IRAK2: variants seen among roughly 807,000 people sequenced by gnomAD.
IRAK2 encodes the protein interleukin-1 receptor-associated kinase-like 2.
Under a neutral mutation model 72.0 loss-of-function variants are expected in IRAK2, and 57 were observed. The observed-to-expected ratio is 0.79, with a 90% CI of 0.64 to 0.99. The LOEUF (loss-of-function observed/expected upper bound fraction) is 0.99. IRAK2 is among the 50% of genes least tolerant of loss of function. IRAK2 has a pLI of 0.00. For missense variants in IRAK2, 790 were observed against 794.4 expected, an observed-to-expected ratio of 0.99 and a Z score of 0.07; for synonymous variants, 293 against 312.7, an observed-to-expected ratio of 0.94 and a Z score of 0.67.
At chr3:10,173,291 C>T (rs1453679211) in intron 1 of IRAK2, among the ~76,000 whole-genome samples, 2 of 150,902 alleles carry the variant, frequency 1.3e-5, no homozygotes, top group Admixed American at 6.6e-5. Context: ...TGCTGACTTT[C>T]GCACATGTTT....
At chr3:10,227,047 C>A (rs908732621) in intron 10 of IRAK2, among the ~76,000 whole-genome samples, 2 of 151,820 alleles carry the variant, frequency 1.3e-5, no homozygotes, top group Non-Finnish European at 2.9e-5. Flanking sequence ...AGGGATTTTC[C>A]TCAAATTGAT....
At chr3:10,166,224 T>C (rs940770858) in intron 1 of IRAK2, among the ~76,000 whole-genome samples, 12 of 152,254 alleles carry the variant, frequency 7.9e-5, no homozygotes, top group Non-Finnish European at 1.5e-4. Flanking sequence ...CAACCTGTTT[T>C]GAGATCAGAT....
intron 3 of IRAK2, among the ~76,000 whole-genome samples, chr3:10,201,437 C>T (rs1697359114): frequency 6.6e-6 from 1 of 152,238 alleles, no homozygotes; most frequent in Admixed American, 6.5e-5. Context: ...TGCTTCCTGC[C>T]CACCACTTTC....
Position 10,219,752 on chromosome 3 carries a change from CTGCA to C in IRAK2, c.979_982del (p.His327ValfsTer42). 6 of 1,613,876 alleles carry C rather than the reference CTGCA, an allele frequency of 3.7e-6. No individual in the cohort carries two copies. Among genetic ancestry groups the C allele is most frequent in the Non-Finnish European group, 5.1e-6 (6 of 1,179,864 alleles). On this transcript the variant is annotated frameshift_variant, in exon 8 of 13. Coordinates refer to ENST00000256458, the MANE Select transcript of IRAK2 (RefSeq NM_001570.4). LOFTEE classifies it high-confidence loss of function. ...AGGGCTGCTCTGTGCCGTCGAGTAC[CTGCA>C]TGGTCTGGAGATCATCCACAGCAAC...
intron 6 of IRAK2, 74 bp from the exon 7 acceptor site, chr3:10,216,860 G>A: frequency 7.2e-6 from 8 of 1,115,652 alleles, no homozygotes; most frequent in Non-Finnish European, 1.1e-5. Flanking sequence ...GAGGGCAGAA[G>A]AGGGGTGGGA....
chr3:10,167,695 G>T (rs138852131), intron 1 of IRAK2, among the ~76,000 whole-genome samples: 1 of 152,182 alleles, frequency 6.6e-6, no homozygotes, highest in Admixed American at 6.5e-5. Flanking sequence ...GATTACAGGC[G>T]TGAGCCACCG....
intron 3 of IRAK2, among the ~76,000 whole-genome samples, chr3:10,202,994 T>C (rs1354311138): frequency 3.3e-5 from 5 of 151,398 alleles, no homozygotes; most frequent in Admixed American, 1.3e-4. Flanking sequence ...AGAGCCCTAT[T>C]TACTTACTTT....
At chr3:10,215,746 ATG>A in intron 6 of IRAK2, among the ~76,000 whole-genome samples, 1 of 118,878 alleles carries the variant, frequency 8.4e-6, no homozygotes, top group Non-Finnish European at 2.0e-5. Context: ...GAATACTCAC[ATG>A]TGTACACACA....
At chr3:10,217,127 G>A (rs558344037) in intron 7 of IRAK2, 79 bp downstream of exon 7, 6 of 1,046,852 alleles carry the variant, frequency 5.7e-6, no homozygotes, top group African/African-American at 4.7e-5. Context: ...ACTTACAGAA[G>A]TTCAGAGGGG....
intron 11 of IRAK2, among the ~76,000 whole-genome samples, chr3:10,236,350 T>TTG (rs1254732547): frequency 1.3e-5 from 2 of 148,484 alleles, no homozygotes; most frequent in South Asian, 2.2e-4. Flanking sequence ...AGGTTTTTTT[T>TTG]TTTTTTTTTT....
At position 10,222,669 on chromosome 3, in the gene IRAK2, C is replaced by A. The variant is rs370626070; in HGVS notation, c.1047C>A (p.Pro349=). The change falls in exon 9 of 13, where the codon CCC becomes CCA. Residue 349 remains proline (P), a synonymous_variant. Coordinates refer to ENST00000256458, the MANE Select transcript of IRAK2 (RefSeq NM_001570.4). ...SNVLLDQNLT[P]KLAHPMAHLC... Reference sequence around the variant, plus strand: ...TCTTGCTGGACCAAAATCTCACCCCCAAACTTGCTCACCCAATGGCTCATC... The same window carrying A: ...TCTTGCTGGACCAAAATCTCACCCCAAAACTTGCTCACCCAATGGCTCATC... 4 of 1,614,160 alleles carry A rather than the reference C, an allele frequency of 2.5e-6. No individual in the cohort carries two copies. The South Asian group carries it at 4.4e-5, about 18-fold the overall frequency.
At chr3:10,203,543 G>A (rs1402493854) in intron 3 of IRAK2, among the ~76,000 whole-genome samples, 1 of 152,210 alleles carries the variant, frequency 6.6e-6, no homozygotes, top group African/African-American at 2.4e-5. Flanking sequence ...GAAGTATACT[G>A]AGCCCACATC....
Position 10,170,809 on chromosome 3 carries a change from A to G in IRAK2, c.94+5761A>G, listed in dbSNP as rs528065680. Among the ~76,000 whole-genome samples the G allele has an allele frequency of 3.9e-3, 593 of 152,324 alleles. 2 individuals carry two copies. The highest frequency in any genetic ancestry group is 0.011 in the South Asian group (52 of 4,826). On this transcript the variant is annotated intron_variant, in intron 1 of 12. Transcript: ENST00000256458. ...AGCCTTTGGTCAGCCCACTTCCTAC[A>G]CTGGATCAGAGCCAGCGGTGCCTCC...
Position 10,224,220 on chromosome 3 carries a change from G to A in IRAK2, c.1209+1389G>A, listed in dbSNP as rs181370800. ...AGTGTGGTGGCATGTGCCTGTAATC[G>A]CAGCTACCTGGGAGGCTGAGTCAGG... On this transcript the variant is annotated intron_variant, in intron 9 of 12. Coordinates refer to ENST00000256458, the MANE Select transcript of IRAK2 (RefSeq NM_001570.4). 2.7e-4 allele frequency among the ~76,000 whole-genome samples: 41 copies of A among 151,856 alleles called. No homozygotes were observed. In the Middle Eastern group the frequency reaches 0.017, roughly 63 times the overall value.
At chr3:10,169,140 C>G (rs749354157) in intron 1 of IRAK2, among the ~76,000 whole-genome samples, 4 of 151,916 alleles carry the variant, frequency 2.6e-5, no homozygotes, top group Non-Finnish European at 4.4e-5. Context: ...GAGGGGTGTA[C>G]GAATAGGGAG....
intron 3 of IRAK2, among the ~76,000 whole-genome samples, chr3:10,208,632 G>A (rs112994036): frequency 1.2e-3 from 188 of 151,702 alleles, no homozygotes; most frequent in African/African-American, 4.4e-3. Flanking sequence ...GTGTGGTGGC[G>A]GGCGCCTGTA....
intron 2 of IRAK2, among the ~76,000 whole-genome samples, chr3:10,185,191 G>A (rs1429072185): frequency 6.6e-6 from 1 of 151,484 alleles, no homozygotes; most frequent in Admixed American, 6.6e-5. Flanking sequence ...CTGCTGATTC[G>A]GAAACTCTAG....
Position 10,222,845 on chromosome 3 carries a change from G to A in IRAK2, c.1209+14G>A, listed in dbSNP as rs762546316. 6.2e-7 allele frequency: 1 copy of A among 1,610,206 alleles called. No individual in the cohort carries two copies. Among genetic ancestry groups the A allele is most frequent in the South Asian group, 1.1e-5 (1 of 91,010 alleles). On this transcript the variant is annotated intron_variant, in intron 9 of 12. Transcript: ENST00000256458. Reference sequence around the variant, plus strand: ...AGCTGTGGAATAGTAAGAGTGTCCTGCTCTGCGTAGAGTGGGGCCCACCTT... The same window carrying A: ...AGCTGTGGAATAGTAAGAGTGTCCTACTCTGCGTAGAGTGGGGCCCACCTT...
intron 2 of IRAK2, 60 bp downstream of exon 2, chr3:10,178,080 C>T (rs553882976): frequency 3.8e-5 from 51 of 1,354,160 alleles, no homozygotes; most frequent in East Asian, 2.8e-4. Flanking sequence ...AGTTTCCATC[C>T]GTGTGAGTTG....
Sources: allele counts gnomAD v4.1 joint callset (sites outside exome capture counted in the v4.1 genomes callset), GRCh38; gene constraint gnomAD v4.1.1; transcripts MANE v1.5; gene names NCBI Gene and HGNC (gene_info 2026-07-23, HGNC 2026-07-21).